The following SHB variants were observed in gnomAD, a reference collection of about 807,000 sequenced individuals.
SHB encodes SH2 domain-containing adapter protein B.
A neutral mutation model predicts 52.3 loss-of-function variants in SHB; 20 were observed. The ratio of observed to expected loss-of-function variants is 0.38; its 90% CI spans 0.27 to 0.56. The LOEUF is 0.56. SHB is among the 20% of genes least tolerant of loss of function. The pLI is 0.71. For missense variants in SHB, 825 were observed against 723.3 expected (o/e 1.14, Z -1.61); for synonymous variants, 397 against 316.5 (o/e 1.25, Z -2.70).
At chr9:38,023,568 C>T (rs1587249487) in intron 1 of SHB, among the ~76,000 whole-genome samples, 2 of 152,150 alleles carry the variant, frequency 1.3e-5, no homozygotes, top group African/African-American at 2.4e-5. Flanking sequence ...GCCAAGGCCC[C>T]GGTGATTACC....
chr9:37,936,461 A>T (rs1832372873), intron 5 of SHB, among the ~76,000 whole-genome samples: 1 of 152,168 alleles, frequency 6.6e-6, no homozygotes, highest in African/African-American at 2.4e-5. Context: ...ATCATGGCTC[A>T]TTTTGCATGT....
Position 37,982,852 on chromosome 9 carries a change from T to C in SHB, c.839-8015A>G, listed in dbSNP as rs927827645. On this transcript the variant is annotated intron_variant, in intron 2 of 5. Coordinates refer to ENST00000377707, the MANE Select transcript of SHB (RefSeq NM_003028.3). ...ATGAAATGATACATAACATGTCTTATGGTAAACATCAGAAGAAACCTGTTC... is the reference window on the plus strand; with the variant it reads ...ATGAAATGATACATAACATGTCTTACGGTAAACATCAGAAGAAACCTGTTC... Among the ~76,000 whole-genome samples, 10 of 152,270 alleles carry C rather than the reference T, an allele frequency of 6.6e-5. No homozygotes were observed. The East Asian group carries it at 9.6e-4, about 15-fold the overall frequency.
intron 1 of SHB, among the ~76,000 whole-genome samples, chr9:38,048,445 G>A (rs1821687950): frequency 1.3e-5 from 2 of 152,108 alleles, no homozygotes; most frequent in Admixed American, 6.5e-5. Flanking sequence ...ATCAGCCTGG[G>A]CAGCACAGTG....
chr9:37,958,598 A>G (rs1832660944), intron 3 of SHB, among the ~76,000 whole-genome samples: 1 of 152,182 alleles, frequency 6.6e-6, no homozygotes, highest in African/African-American at 2.4e-5. Flanking sequence ...CCTGTGTCCA[A>G]CTACACACAG....
intron 1 of SHB, among the ~76,000 whole-genome samples, chr9:38,030,328 A>C (rs1821398106): frequency 6.6e-6 from 1 of 152,172 alleles, no homozygotes; most frequent in African/African-American, 2.4e-5. Context: ...CAGCAAAATG[A>C]GCCCAGATAA....
rs116320440 is a variant in SHB at position 38,057,865 on chromosome 9, C to G, written c.717+10064G>C. Reference sequence around the variant, plus strand: ...ACCACTTCCTATCAGAAGCAGCCAGCAATGAAATGTTCTGCTGAGCAAAAC... The same window carrying G: ...ACCACTTCCTATCAGAAGCAGCCAGGAATGAAATGTTCTGCTGAGCAAAAC... On this transcript the variant is annotated intron_variant, in intron 1 of 5. Coordinates refer to ENST00000377707, the MANE Select transcript of SHB (RefSeq NM_003028.3). 5.7e-3 allele frequency among the ~76,000 whole-genome samples: 865 copies of G among 152,340 alleles called. 6 individuals are homozygous for G. Among genetic ancestry groups the G allele is most frequent in the African/African-American group, 0.02 (818 of 41,560 alleles).
chr9:38,015,985 AG>A, intron 2 of SHB, 25 bp downstream of exon 2: 1 of 1,612,354 alleles, frequency 6.2e-7, no homozygotes, highest in South Asian at 1.1e-5. Context: ...CCCAGCTGTG[AG>A]CCCCTGCGCT....
At position 38,068,434 on chromosome 9, in the gene SHB, G is replaced by C. The variant is rs753811107; in HGVS notation, c.212C>G (p.Pro71Arg). The change falls in exon 1 of 6, where the codon CCC (proline) becomes CGC (arginine). Residue 71 changes from proline to arginine, a missense_variant. Physicochemically the swap from Pro to Arg is moderately radical, Grantham distance 103. Coordinates refer to ENST00000377707, the MANE Select transcript of SHB (RefSeq NM_003028.3). ...GTCGCTGGTGCTGCCGCTGTCGTCG[G>C]GCAGCGAGCCCGAAGAGGCTGAGAA... ...SCFSASSGSL[P>R]DDSGSTSDLI... The C allele has an allele frequency of 5.8e-6, 9 of 1,554,782 alleles. No individual in the cohort carries two copies. The South Asian group carries it at 8.3e-5, about 14-fold the overall frequency.
intron 3 of SHB, among the ~76,000 whole-genome samples, chr9:37,972,879 C>CA (rs1197031720): frequency 6.6e-6 from 1 of 151,422 alleles, no homozygotes; most frequent in African/African-American, 2.4e-5. Flanking sequence ...TAGTTATATA[C>CA]AAAAAAAGGG....
intron 2 of SHB, among the ~76,000 whole-genome samples, chr9:37,994,968 C>T (rs1020456227): frequency 1.3e-5 from 2 of 152,208 alleles, no homozygotes; most frequent in Admixed American, 6.5e-5. Flanking sequence ...ACATGACACA[C>T]AAACCCTTAA....
chr9:37,946,828 G>A (rs1832497397), intron 5 of SHB, among the ~76,000 whole-genome samples: 1 of 152,236 alleles, frequency 6.6e-6, no homozygotes, highest in Admixed American at 6.5e-5. Context: ...GGGAGACAGA[G>A]TGATAACCCC....
At chr9:38,026,700 T>A (rs1821347448) in intron 1 of SHB, among the ~76,000 whole-genome samples, 1 of 152,268 alleles carries the variant, frequency 6.6e-6, no homozygotes, top group African/African-American at 2.4e-5. Context: ...CTCTTTCTCC[T>A]GTGCCGTCAT....
chr9:37,971,625 G>A (rs1439500730), intron 3 of SHB, among the ~76,000 whole-genome samples: 1 of 152,224 alleles, frequency 6.6e-6, no homozygotes, highest in Admixed American at 6.5e-5. Flanking sequence ...GACCTACAGA[G>A]GCCAGTGACC....
chr9:38,027,585 C>T (rs1278836093), intron 1 of SHB, among the ~76,000 whole-genome samples: 1 of 150,982 alleles, frequency 6.6e-6, no homozygotes. Context: ...AGAAGGGTAT[C>T]AGGAAAGCTG....
intron 5 of SHB, among the ~76,000 whole-genome samples, chr9:37,936,175 C>G (rs574043205): frequency 7.2e-4 from 110 of 152,256 alleles, no homozygotes; most frequent in Middle Eastern, 3.4e-3. Flanking sequence ...GAGATAGCGC[C>G]ATTGCACTCC....
At chr9:37,937,222 T>C (rs1269596333) in intron 5 of SHB, among the ~76,000 whole-genome samples, 1 of 152,156 alleles carries the variant, frequency 6.6e-6, no homozygotes, top group African/African-American at 2.4e-5. Context: ...AAGAGCTCAG[T>C]GGTGAAAGCC....
At chr9:38,003,672 C>T (rs1821046224) in intron 2 of SHB, among the ~76,000 whole-genome samples, 3 of 152,190 alleles carry the variant, frequency 2.0e-5, no homozygotes, top group Non-Finnish European at 4.4e-5. Flanking sequence ...GCCGGGCTGC[C>T]CCTCCTCTAT....
chr9:38,027,746 G>A (rs1475950748), intron 1 of SHB, among the ~76,000 whole-genome samples: 1 of 151,862 alleles, frequency 6.6e-6, no homozygotes, highest in African/African-American at 2.4e-5. Context: ...GGGAGCTCCT[G>A]GTGTAGGCAG....
chr9:37,941,819 G>A (rs537727430), intron 5 of SHB, among the ~76,000 whole-genome samples: 15 of 152,260 alleles, frequency 9.9e-5, no homozygotes, highest in African/African-American at 3.1e-4. Context: ...CAACCACCAC[G>A]GAGCTAGGTG....
Sources: allele counts gnomAD v4.1 joint callset (sites outside exome capture counted in the v4.1 genomes callset), GRCh38; gene constraint gnomAD v4.1.1; transcripts MANE v1.5; gene names NCBI Gene and HGNC (gene_info 2026-07-23, HGNC 2026-07-21).